CSMD1: variants seen among roughly 807,000 people sequenced by gnomAD.
CSMD1 encodes CUB and Sushi multiple domains 1.
CSMD1 carries 213 observed loss-of-function variants against 417.5 expected under a neutral mutation model. That is an observed-to-expected ratio of 0.51 (90% CI 0.46 to 0.57). The LOEUF (loss-of-function observed/expected upper bound fraction) is 0.57, where lower values mean the gene tolerates loss of function less well. Ranked by LOEUF, CSMD1 falls within the 20% of genes least tolerant of loss-of-function variation. CSMD1 has a pLI of 0.00. For synonymous variants in CSMD1, 2,862 were observed against 1,736.8 expected (o/e 1.65, Z -16.11); for missense variants, 6,923 against 4,529.7 (o/e 1.53, Z -15.17).
At chr8:4,130,496 G>C (rs1202524922) in intron 3 of CSMD1, among the ~76,000 whole-genome samples, 1 of 152,126 alleles carries the variant, frequency 6.6e-6, no homozygotes, top group Non-Finnish European at 1.5e-5. Context: ...GAGGCGAGTT[G>C]ATTTGATTCT....
chr8:4,163,490 T>G (rs1318698399), intron 3 of CSMD1, among the ~76,000 whole-genome samples: 1 of 152,214 alleles, frequency 6.6e-6, no homozygotes, highest in Non-Finnish European at 1.5e-5. Flanking sequence ...GATTTTATCC[T>G]TCAACTCACA....
chr8:4,072,240 G>T (rs1275053693), intron 3 of CSMD1, among the ~76,000 whole-genome samples: 1 of 152,116 alleles, frequency 6.6e-6, no homozygotes, highest in South Asian at 2.1e-4. Context: ...AGTGAAGAAG[G>T]GTTGAATCCC....
At chr8:4,674,973 A>G (rs1805583276) in intron 1 of CSMD1, among the ~76,000 whole-genome samples, 1 of 152,170 alleles carries the variant, frequency 6.6e-6, no homozygotes, top group Non-Finnish European at 1.5e-5. Context: ...GGACACGGTG[A>G]GGAGGCAGCT....
rs190328696 is a variant in CSMD1, at chr8:3,916,696, C to T, written c.818+81207G>A. 9.1e-4 allele frequency among the ~76,000 whole-genome samples: 138 copies of T among 152,192 alleles called. 1 individual carries two copies. Among genetic ancestry groups the T allele is most frequent in the Non-Finnish European group, 1.6e-3 (110 of 68,008 alleles). On this transcript the variant is annotated intron_variant, in intron 5 of 69. Coordinates refer to ENST00000635120, the MANE Select transcript of CSMD1 (RefSeq NM_033225.6). The stretch of plus-strand genomic sequence containing the variant: ...CTGATGTAATCTGTGTAGTTTCCTA[C>T]TACAGTCATCACAAGGATAGAAAAA...
chr8:3,222,149 T>C (rs1009150616), intron 28 of CSMD1, among the ~76,000 whole-genome samples: 1 of 152,100 alleles, frequency 6.6e-6, no homozygotes, highest in African/African-American at 2.4e-5. Flanking sequence ...TAAGTCATAA[T>C]CTATGGGTTG....
intron 5 of CSMD1, among the ~76,000 whole-genome samples, chr8:3,802,125 T>C (rs985620194): frequency 1.6e-4 from 24 of 152,062 alleles, no homozygotes; most frequent in African/African-American, 4.6e-4. Flanking sequence ...AAAGGTAAAA[T>C]AAAAATATCC....
intron 7 of CSMD1, among the ~76,000 whole-genome samples, chr8:3,644,991 A>AC (rs1797507607): frequency 6.7e-6 from 1 of 149,866 alleles, no homozygotes; most frequent in Admixed American, 6.6e-5. Flanking sequence ...AAAAAAAAAA[A>AC]GTCAATTGTT....
At chr8:3,810,950 A>G (rs1473357895) in intron 5 of CSMD1, among the ~76,000 whole-genome samples, 2 of 152,274 alleles carry the variant, frequency 1.3e-5, no homozygotes, top group East Asian at 1.9e-4. Context: ...GGGGATAATA[A>G]CGTTTGTTCT....
chr8:4,795,032 G>A lies in CSMD1; in HGVS notation c.86-157474C>T, dbSNP rs546389711. ...AGAAAGGTCAAAGAAAGATGTGGGG[G>A]GTGGGTGGGTGTGTGTTTAAGTTTC... On this transcript the variant is annotated intron_variant, in intron 1 of 69. Transcript: ENST00000635120. Among the ~76,000 whole-genome samples, 239 of 151,544 alleles carry A rather than the reference G, an allele frequency of 1.6e-3. 1 individual carries two copies. Among genetic ancestry groups the A allele is most frequent in the Non-Finnish European group, 2.5e-3 (171 of 67,954 alleles).
At chr8:4,284,947 T>C (rs1175097997) in intron 3 of CSMD1, among the ~76,000 whole-genome samples, 4 of 152,168 alleles carry the variant, frequency 2.6e-5, no homozygotes, top group Admixed American at 6.6e-5. Flanking sequence ...TGTAAGACCT[T>C]GGGCAAAGTA....
At chr8:4,934,479 T>C (rs570576790) in intron 1 of CSMD1, among the ~76,000 whole-genome samples, 149 of 152,296 alleles carry the variant, frequency 9.8e-4, no homozygotes, top group African/African-American at 3.3e-3. Flanking sequence ...CACTGAGTTA[T>C]AGAAAATACG....
chr8:4,594,003 C>T (rs1230555089), intron 2 of CSMD1, among the ~76,000 whole-genome samples: 1 of 152,032 alleles, frequency 6.6e-6, no homozygotes, highest in Non-Finnish European at 1.5e-5. Context: ...TCCACACCTT[C>T]TGGAGGTTGT....
chr8:4,871,000 G>A (rs1261735756), intron 1 of CSMD1, among the ~76,000 whole-genome samples: 1 of 152,114 alleles, frequency 6.6e-6, no homozygotes, highest in Non-Finnish European at 1.5e-5. Flanking sequence ...ACAGGGTCTG[G>A]TCTGGGTGTC....
intron 3 of CSMD1, among the ~76,000 whole-genome samples, chr8:4,178,998 C>A (rs1335957178): frequency 6.6e-6 from 1 of 152,166 alleles, no homozygotes; most frequent in Non-Finnish European, 1.5e-5. Flanking sequence ...AATGGCCATA[C>A]TGCCCAAGGT....
At chr8:4,470,914 T>TGA (rs1228759191) in intron 2 of CSMD1, among the ~76,000 whole-genome samples, 1 of 152,224 alleles carries the variant, frequency 6.6e-6, no homozygotes, top group African/African-American at 2.4e-5. Context: ...TTGTTTAGTA[T>TGA]GAATGTGTAA....
At chr8:3,869,664 A>G (rs1316270881) in intron 5 of CSMD1, among the ~76,000 whole-genome samples, 1 of 152,124 alleles carries the variant, frequency 6.6e-6, no homozygotes. Flanking sequence ...TCTAGTTGCC[A>G]CAGGAGGAAA....
At chr8:4,419,521 T>C (rs1300810358) in intron 3 of CSMD1, among the ~76,000 whole-genome samples, 3 of 152,164 alleles carry the variant, frequency 2.0e-5, no homozygotes, top group African/African-American at 4.8e-5. Context: ...TAATTTTCTC[T>C]CTTAAAAATT....
At chr8:2,992,915 T>A (rs1585109031) in intron 54 of CSMD1, among the ~76,000 whole-genome samples, 1 of 151,732 alleles carries the variant, frequency 6.6e-6, no homozygotes, top group East Asian at 2.0e-4. Flanking sequence ...CTAATTTTTG[T>A]AGAGACTGAG....
At chr8:3,667,093 C>T (rs897463035) in intron 7 of CSMD1, among the ~76,000 whole-genome samples, 1 of 152,042 alleles carries the variant, frequency 6.6e-6, no homozygotes, top group Non-Finnish European at 1.5e-5. Flanking sequence ...TTGGTACAAG[C>T]AAGGCAATCT....
Sources: gnomAD v4.1 joint callset for allele counts (sites outside exome capture counted in the v4.1 genomes callset) on GRCh38, gnomAD v4.1.1 for gene constraint, MANE v1.5 for transcripts, NCBI Gene and HGNC (gene_info 2026-07-23, HGNC 2026-07-21) for gene names.